The following GALNT13 variants were observed in gnomAD, a reference collection of about 807,000 sequenced individuals.
GALNT13 encodes UDP-GalNAc:polypeptide N-acetylgalactosaminyltransferase 13.
In GALNT13, 28 loss-of-function variants were observed where a neutral mutation model predicts 64.2. The ratio of observed to expected loss-of-function variants is 0.44; its 90% CI spans 0.32 to 0.60. The LOEUF (loss-of-function observed/expected upper bound fraction) is 0.60. GALNT13 is among the 20% of genes least tolerant of loss of function. The probability of loss-of-function intolerance (pLI) is 0.05; values close to 1 mark genes in which losing one functional copy is unlikely to be tolerated. For missense variants in GALNT13, 577 were observed against 669.8 expected (o/e 0.86, Z 1.53); for synonymous variants, 214 against 224.6 (o/e 0.95, Z 0.42).
the GALNT13 span, among the ~76,000 whole-genome samples, chr2:153,238,631 G>C: frequency 2.0e-5 from 3 of 151,944 alleles, no homozygotes; most frequent in African/African-American, 4.8e-5. Flanking sequence ...TGTAGAAAAT[G>C]AGTTCACTGT....
chr2:153,406,938 AAATC>A, the GALNT13 span, among the ~76,000 whole-genome samples: 7 of 152,170 alleles, frequency 4.6e-5, no homozygotes, highest in Admixed American at 6.5e-5. Flanking sequence ...CTGTAAGTCT[AAATC>A]AATAATTCAG....
the GALNT13 span, among the ~76,000 whole-genome samples, chr2:153,730,811 G>A: frequency 3.3e-5 from 5 of 151,720 alleles, no homozygotes; most frequent in South Asian, 2.1e-4. Context: ...ACTAATCATC[G>A]AAGAAATGTA....
chr2:153,252,190 G>T, the GALNT13 span, among the ~76,000 whole-genome samples: 1 of 147,102 alleles, frequency 6.8e-6, no homozygotes. Flanking sequence ...GTATCTCATT[G>T]TGGTTTTGAT....
the GALNT13 span, among the ~76,000 whole-genome samples, chr2:153,641,503 T>A: frequency 2.6e-5 from 4 of 152,156 alleles, no homozygotes; most frequent in South Asian, 2.1e-4. Flanking sequence ...ATTCTCCCCA[T>A]CCCATTTGGA....
In GALNT13 at chr2:154,257,073, C is replaced by T. The variant is rs77754966; in HGVS notation, c.858-1948C>T. On this transcript the variant is annotated intron_variant, in intron 7 of 12. Transcript: ENST00000392825. ...TGAGAGAGCTAACTGATATTGCAAA[C>T]ACAAAAAAAACTATCCAGGAGTATC... is the stretch of plus-strand genomic sequence containing the variant. Among the ~76,000 whole-genome samples the T allele has an allele frequency of 5.2e-3, 783 of 151,806 alleles. 7 individuals are homozygous for T. The highest frequency in any genetic ancestry group is 0.024 in the Middle Eastern group (7 of 292).
At chr2:153,091,717 A>T in the GALNT13 span, among the ~76,000 whole-genome samples, 1 of 152,128 alleles carries the variant, frequency 6.6e-6, no homozygotes, top group Non-Finnish European at 1.5e-5. Context: ...GAGTTGTTTG[A>T]GCTCCTTATG....
chr2:153,715,904 C>A, the GALNT13 span, among the ~76,000 whole-genome samples: 1 of 147,306 alleles, frequency 6.8e-6, no homozygotes, highest in Non-Finnish European at 1.5e-5. Context: ...AAACTGATGT[C>A]TTTTCATTTT....
chr2:153,111,659 A>G, the GALNT13 span, among the ~76,000 whole-genome samples: 33 of 151,912 alleles, frequency 2.2e-4, no homozygotes, highest in Admixed American at 7.9e-4. Flanking sequence ...CTCACAGTTC[A>G]TATGGATATC....
chr2:153,250,539 C>G, the GALNT13 span, among the ~76,000 whole-genome samples: 1 of 151,994 alleles, frequency 6.6e-6, no homozygotes, highest in African/African-American at 2.4e-5. Context: ...GGGTATATAC[C>G]CATAGGATTA....
intron 9 of GALNT13, among the ~76,000 whole-genome samples, chr2:154,353,027 GAAGA>G (rs1294325537): frequency 6.6e-6 from 1 of 152,104 alleles, no homozygotes; most frequent in Non-Finnish European, 1.5e-5. Flanking sequence ...GTAGTTCTTT[GAAGA>G]AAGTCATGGG....
intron 4 of GALNT13, among the ~76,000 whole-genome samples, chr2:154,180,193 G>GT (rs1200017049): frequency 6.6e-6 from 1 of 152,030 alleles, no homozygotes; most frequent in Non-Finnish European, 1.5e-5. Context: ...AATCATTTCA[G>GT]TTTTTTGTGC....
At chr2:153,787,333 A>C in the GALNT13 span, among the ~76,000 whole-genome samples, 37 of 152,168 alleles carry the variant, frequency 2.4e-4, no homozygotes, top group Non-Finnish European at 5.1e-4. Flanking sequence ...TTCAACACCA[A>C]AACTACCTCA....
At chr2:153,336,882 A>G in the GALNT13 span, among the ~76,000 whole-genome samples, 1 of 152,146 alleles carries the variant, frequency 6.6e-6, no homozygotes, top group Non-Finnish European at 1.5e-5. Flanking sequence ...GGGGGAGGCA[A>G]TTGAATAAGG....
chr2:153,975,860 G>T (rs1426396843), intron 3 of GALNT13, among the ~76,000 whole-genome samples: 9 of 152,084 alleles, frequency 5.9e-5, no homozygotes, highest in African/African-American at 1.2e-4. Context: ...ACTGTAAAGT[G>T]ATGGATATGT....
intron 7 of GALNT13, among the ~76,000 whole-genome samples, chr2:154,257,071 A>G (rs1431394304): frequency 6.6e-6 from 1 of 152,184 alleles, no homozygotes; most frequent in Non-Finnish European, 1.5e-5. Flanking sequence ...TGATATTGCA[A>G]ACACAAAAAA....
At chr2:153,167,181 T>G in the GALNT13 span, among the ~76,000 whole-genome samples, 1 of 152,244 alleles carries the variant, frequency 6.6e-6, no homozygotes, top group African/African-American at 2.4e-5. Context: ...ATAGTCACTG[T>G]CCTTCTCTTG....
chr2:153,563,258 T>G, the GALNT13 span, among the ~76,000 whole-genome samples: 2 of 152,130 alleles, frequency 1.3e-5, no homozygotes, highest in African/African-American at 4.8e-5. Context: ...TTTTCCAGTA[T>G]TTCTCTTATT....
chr2:154,347,208 A>G (rs558266357), intron 9 of GALNT13, among the ~76,000 whole-genome samples: 1 of 152,202 alleles, frequency 6.6e-6, no homozygotes. Flanking sequence ...TGCTTTGTTC[A>G]GTACTTGTAT....
intron 4 of GALNT13, among the ~76,000 whole-genome samples, chr2:154,226,510 T>C (rs1007736246): frequency 1.3e-5 from 2 of 152,132 alleles, no homozygotes; most frequent in Admixed American, 1.3e-4. Context: ...GAAAAAACAA[T>C]GTATTTATTC....
Sources: gnomAD v4.1 joint callset for allele counts (sites outside exome capture counted in the v4.1 genomes callset) on GRCh38, gnomAD v4.1.1 for gene constraint, MANE v1.5 for transcripts, NCBI Gene and HGNC (gene_info 2026-07-23, HGNC 2026-07-21) for gene names.